The following RIMKLB variants were observed in gnomAD, a reference collection of about 807,000 sequenced individuals.
RIMKLB encodes the protein beta-citrylglutamate synthase B.
RIMKLB carries 7 observed loss-of-function variants against 32.0 expected under a neutral mutation model. The ratio of observed to expected loss-of-function variants is 0.22; its 90% CI spans 0.12 to 0.41. The LOEUF is 0.41. RIMKLB is among the 10% of genes least tolerant of loss of function. The pLI, the probability that RIMKLB is intolerant of heterozygous loss-of-function variation, is 1.00. For missense variants in RIMKLB, 289 were observed against 498.7 expected (o/e 0.58, Z 4.00); for synonymous variants, 172 against 185.1 (o/e 0.93, Z 0.57).
chr12:8,736,968 C>T (rs1338599619), intron 2 of RIMKLB, among the ~76,000 whole-genome samples: 4 of 152,046 alleles, frequency 2.6e-5, no homozygotes, highest in South Asian at 2.1e-4. Flanking sequence ...TGTGCCACCA[C>T]GCCCAGCTAA....
chr12:8,736,320 G>T (rs1947002522), intron 2 of RIMKLB, among the ~76,000 whole-genome samples: 1 of 152,102 alleles, frequency 6.6e-6, no homozygotes, highest in Non-Finnish European at 1.5e-5. Context: ...TTTCTTTTAA[G>T]AACTTTTTAT....
chr12:8,768,324 C>T (rs921047101), intron 5 of RIMKLB, among the ~76,000 whole-genome samples: 1 of 152,122 alleles, frequency 6.6e-6, no homozygotes, highest in Non-Finnish European at 1.5e-5. Flanking sequence ...GGGTCTGGGA[C>T]AGTGGCAAAC....
At chr12:8,767,089 C>G (rs1374568520) in intron 5 of RIMKLB, among the ~76,000 whole-genome samples, 1 of 152,204 alleles carries the variant, frequency 6.6e-6, no homozygotes, top group African/African-American at 2.4e-5. Context: ...TTTACCCTGA[C>G]AACAAGGTAG....
chr12:8,718,667 ATATGTGTGTGTG>A lies in RIMKLB; in HGVS notation c.175+4628_175+4639del, dbSNP rs1258183819. Reference sequence around the variant, plus strand: ...TCTCTCTCTCTCTATATATATATATATATGTGTGTGTGTGTGTGTGTGTGTGTGTGTGTGTGT... The same window carrying A: ...TCTCTCTCTCTCTATATATATATATATGTGTGTGTGTGTGTGTGTGTGTGT... On this transcript the variant is annotated intron_variant, in intron 2 of 5. Transcript: ENST00000535829. Among the ~76,000 whole-genome samples the A allele has an allele frequency of 2.5e-3, 335 of 132,726 alleles. 3 individuals are homozygous for A. The highest frequency in any genetic ancestry group is 7.1e-3 in the African/African-American group (224 of 31,458). 87.1% of individuals were successfully genotyped at this position (132,726 alleles called of 152,430 possible). A position where few individuals can be genotyped will look rare whatever the true frequency, so the allele number is the denominator to read the frequency against.
At chr12:8,710,454 T>G (rs1944284435) in intron 1 of RIMKLB, among the ~76,000 whole-genome samples, 1 of 151,808 alleles carries the variant, frequency 6.6e-6, no homozygotes, top group Admixed American at 6.6e-5. Context: ...ATTACAGGCA[T>G]GTACTGCCAC....
At chr12:8,707,824 C>G (rs2136843570) in intron 1 of RIMKLB, among the ~76,000 whole-genome samples, 1 of 152,330 alleles carries the variant, frequency 6.6e-6, no homozygotes, top group South Asian at 2.1e-4. Context: ...TAATATCACA[C>G]TTTTAAGAGA....
At chr12:8,724,255 G>C (rs1362475762) in intron 2 of RIMKLB, among the ~76,000 whole-genome samples, 1 of 152,010 alleles carries the variant, frequency 6.6e-6, no homozygotes, top group Non-Finnish European at 1.5e-5. Context: ...AAATTCGTTT[G>C]ATTTTTAAAG....
At chr12:8,749,725 G>T in intron 2 of RIMKLB, 137 bp from the exon 3 acceptor site, 1 of 596,938 alleles carries the variant, frequency 1.7e-6, no homozygotes, top group Admixed American at 3.0e-5. Context: ...TTTTTTCTTA[G>T]GAGTATCTCT....
upstream of RIMKLB, among the ~76,000 whole-genome samples, chr12:8,692,937 T>C (rs1465070643): frequency 1.3e-5 from 2 of 152,228 alleles, no homozygotes; most frequent in Non-Finnish European, 1.5e-5. Context: ...CCACGTGAAT[T>C]TTGCAGTTAT....
the RIMKLB span, among the ~76,000 whole-genome samples, chr12:8,672,867 C>T: frequency 6.6e-6 from 1 of 152,176 alleles, no homozygotes. Context: ...CGCTATGCTT[C>T]CTGTATAGCC....
At chr12:8,751,792 C>T (rs1459222786) in intron 3 of RIMKLB, among the ~76,000 whole-genome samples, 165 bp from the exon 4 acceptor site, 1 of 152,128 alleles carries the variant, frequency 6.6e-6, no homozygotes, top group East Asian at 1.9e-4. Flanking sequence ...AACTGATATT[C>T]TGTTATATTT....
intron 1 of RIMKLB, among the ~76,000 whole-genome samples, chr12:8,690,496 CAG>C (rs2136569513): frequency 6.6e-6 from 1 of 152,296 alleles, no homozygotes; most frequent in South Asian, 2.1e-4. Flanking sequence ...GGATTACAAA[CAG>C]TGTTTGACAA....
At chr12:8,745,693 C>CT (rs754631863) in intron 2 of RIMKLB, among the ~76,000 whole-genome samples, 2,248 of 136,072 alleles carry the variant, frequency 0.017, 41 homozygotes, top group African/African-American at 0.032. Flanking sequence ...TGCACCCAGC[C>CT]TTTTTTTTTT....
intron 2 of RIMKLB, among the ~76,000 whole-genome samples, chr12:8,714,744 T>C (rs1386757025): frequency 6.6e-6 from 1 of 152,216 alleles, no homozygotes; most frequent in Non-Finnish European, 1.5e-5. Context: ...GAAAGTTTTA[T>C]GGCTTACTAT....
intron 2 of RIMKLB, among the ~76,000 whole-genome samples, chr12:8,731,455 GT>G (rs61334074): frequency 9.9e-4 from 143 of 144,814 alleles, no homozygotes; most frequent in Non-Finnish European, 9.9e-4. Flanking sequence ...CCTGGTGGTG[GT>G]TTTTTTTTTT....
intron 2 of RIMKLB, among the ~76,000 whole-genome samples, chr12:8,735,717 G>GTT (rs11353803): frequency 3.5e-5 from 5 of 143,808 alleles, no homozygotes; most frequent in East Asian, 2.0e-4. Flanking sequence ...GACTTTCTTC[G>GTT]TTTTTTTTTT....
intron 5 of RIMKLB, among the ~76,000 whole-genome samples, chr12:8,766,729 G>A (rs957061502): frequency 6.6e-6 from 1 of 152,140 alleles, no homozygotes; most frequent in African/African-American, 2.4e-5. Context: ...CCTAGGTCTG[G>A]TCAGACCTTT....
At chr12:8,708,890 G>T (rs1308466036) in intron 1 of RIMKLB, among the ~76,000 whole-genome samples, 1 of 152,140 alleles carries the variant, frequency 6.6e-6, no homozygotes, top group East Asian at 1.9e-4. Context: ...TCTCTTTGTA[G>T]AATTTCTCTT....
rs1950760205 is a variant in RIMKLB at position 8,776,926 on chromosome 12, T to A, written c.*3142T>A. The A allele has an allele frequency of 4.1e-6, 4 of 985,822 alleles. No homozygotes were observed. The highest frequency in any genetic ancestry group is 1.1e-4 in the East Asian group (1 of 8,814). The allele number at this position is 985,822 out of a possible 1,614,324, so 61.1% of individuals were successfully genotyped here. ...AAGCAAATTTGTTTCATTCAGTGAA[T>A]CCCCAGTTTGGGGCTTGTGGGGCTT... On this transcript the variant is annotated 3_prime_UTR_variant, in exon 6 of 6. Transcript: ENST00000535829.
Sources: allele counts gnomAD v4.1 joint callset (sites outside exome capture counted in the v4.1 genomes callset), GRCh38; gene constraint gnomAD v4.1.1; transcripts MANE v1.5; gene names NCBI Gene and HGNC (gene_info 2026-07-23, HGNC 2026-07-21).